The following GFOD2 variants were observed in gnomAD, a reference collection of about 807,000 sequenced individuals.
GFOD2 encodes glucose-fructose oxidoreductase domain-containing protein 2.
Under a neutral mutation model 24.6 loss-of-function variants are expected in GFOD2, and 9 were observed. The ratio of observed to expected loss-of-function variants is 0.37; its 90% CI spans 0.22 to 0.64. GFOD2 has a LOEUF of 0.64. GFOD2 is among the 30% of genes least tolerant of loss of function. The probability of loss-of-function intolerance (pLI) is 0.65; values close to 1 mark genes in which losing one functional copy is unlikely to be tolerated. For missense variants in GFOD2, 476 were observed against 532.5 expected, an observed-to-expected ratio of 0.89 and a Z score of 1.04; for synonymous variants, 211 against 224.8, an observed-to-expected ratio of 0.94 and a Z score of 0.55.
At chr16:67,685,322 A>G (rs2053257570) in intron 2 of GFOD2, 135 bp downstream of exon 2, 6 of 1,491,340 alleles carry the variant, frequency 4.0e-6, no homozygotes, top group Non-Finnish European at 5.4e-6. Flanking sequence ...TGCTTCAGGG[A>G]CAAGTGATGT....
intron 1 of GFOD2, among the ~76,000 whole-genome samples, chr16:67,700,799 G>A (rs1377123086): frequency 2.0e-5 from 3 of 151,224 alleles, no homozygotes; most frequent in African/African-American, 7.3e-5. Context: ...TTGGGAGGCC[G>A]AGGCGGGCGG....
intron 1 of GFOD2, among the ~76,000 whole-genome samples, chr16:67,711,436 C>G (rs575842780): frequency 1.3e-5 from 2 of 152,304 alleles, no homozygotes; most frequent in East Asian, 3.9e-4. Context: ...CTGATGGTGA[C>G]TGTAGTAACC....
intron 1 of GFOD2, among the ~76,000 whole-genome samples, chr16:67,710,595 C>T (rs1597805078): frequency 6.6e-6 from 1 of 152,030 alleles, no homozygotes; most frequent in South Asian, 2.1e-4. Context: ...ATCTCCTGAC[C>T]TCGTGATCCA....
intron 1 of GFOD2, among the ~76,000 whole-genome samples, chr16:67,710,620 C>T (rs1190003479): frequency 6.6e-6 from 1 of 152,154 alleles, no homozygotes; most frequent in Non-Finnish European, 1.5e-5. Context: ...CCTCAGCCTC[C>T]CAAAGTGCTG....
chr16:67,681,333 G>A, intron 2 of GFOD2: 1 of 985,416 alleles, frequency 1.0e-6, no homozygotes, highest in Non-Finnish European at 1.2e-6. Flanking sequence ...GGAGTTTGGT[G>A]GTGATAAAAC....
chr16:67,717,999 T>C (rs2053518763), intron 1 of GFOD2, among the ~76,000 whole-genome samples: 1 of 152,212 alleles, frequency 6.6e-6, no homozygotes. Context: ...AGCAGTTAAT[T>C]TTTTCACGTT....
At chr16:67,687,640 C>CAAAAAAAAAA (rs11302803) in intron 1 of GFOD2, among the ~76,000 whole-genome samples, 1 of 49,144 alleles carries the variant, frequency 2.0e-5, no homozygotes, top group African/African-American at 6.1e-5. Flanking sequence ...GACTCCGTCT[C>CAAAAAAAAAA]AAAAAAAAAA....
At chr16:67,679,987 C>G (rs1567653639) in intron 2 of GFOD2, among the ~76,000 whole-genome samples, 1 of 152,098 alleles carries the variant, frequency 6.6e-6, no homozygotes, top group East Asian at 1.9e-4. Context: ...CAGTCTTGGT[C>G]TGAGCTCAAA....
intron 1 of GFOD2, among the ~76,000 whole-genome samples, chr16:67,693,608 A>G (rs1454577434): frequency 1.3e-5 from 2 of 152,158 alleles, no homozygotes; most frequent in Non-Finnish European, 2.9e-5. Context: ...TGTACATTAC[A>G]GAATGTACCA....
chr16:67,714,058 CAG>C (rs1316630559), intron 1 of GFOD2, among the ~76,000 whole-genome samples: 1 of 152,078 alleles, frequency 6.6e-6, no homozygotes, highest in African/African-American at 2.4e-5. Flanking sequence ...TGCCAGGAAA[CAG>C]AGACAGAAGA....
chr16:67,701,574 C>T (rs1035747705), intron 1 of GFOD2, among the ~76,000 whole-genome samples: 1 of 152,126 alleles, frequency 6.6e-6, no homozygotes. Context: ...AAGAGTAGAT[C>T]AGTGGTTGTC....
chr16:67,687,102 T>A (rs900121036), intron 1 of GFOD2, among the ~76,000 whole-genome samples: 1 of 144,646 alleles, frequency 6.9e-6, no homozygotes, highest in Non-Finnish European at 1.5e-5. Context: ...GATCTGAGAT[T>A]GTGCCACTGC....
rs377532450 is a variant in GFOD2 at position 67,685,516 on chromosome 16, T to C, written c.200A>G (p.Asp67Gly). The C allele has an allele frequency of 2.5e-6, 4 of 1,614,134 alleles. No homozygotes were observed. The highest frequency in any genetic ancestry group is 3.4e-6 in the Non-Finnish European group (4 of 1,180,034). Residue 67 changes from aspartate (D) to glycine (G), a missense_variant, in exon 2 of 3, where the codon GAT becomes GGT. Asp to Gly is a moderately conservative substitution (Grantham distance 94). Coordinates refer to ENST00000268797, the MANE Select transcript of GFOD2 (RefSeq NM_030819.4). ...TDDILLHQDV[D>G]LVCISIPPPL... is the part of the protein sequence containing the mutation. ...AGGGGGGATGCTGATGCACACCAGATCCACATCTTGATGCAGCAAGATGTC... is the reference window on the plus strand; with the variant it reads ...AGGGGGGATGCTGATGCACACCAGACCCACATCTTGATGCAGCAAGATGTC...
At chr16:67,684,731 T>C in intron 2 of GFOD2, 6 of 977,596 alleles carry the variant, frequency 6.1e-6, no homozygotes, top group Non-Finnish European at 7.3e-6. Flanking sequence ...GAATGTTTAC[T>C]GGTTTGTTTA....
chr16:67,687,460 G>A (rs2142994171), intron 1 of GFOD2, among the ~76,000 whole-genome samples: 1 of 151,798 alleles, frequency 6.6e-6, no homozygotes, highest in Non-Finnish European at 1.5e-5. Context: ...CTAACACAGT[G>A]AAACCCTGTC....
intron 1 of GFOD2, among the ~76,000 whole-genome samples, chr16:67,697,051 C>T (rs2053364465): frequency 6.6e-6 from 1 of 152,212 alleles, no homozygotes; most frequent in Admixed American, 6.5e-5. Flanking sequence ...CCCAGTCCTG[C>T]CAAGACCACA....
chr16:67,715,172 C>G (rs546956524), intron 1 of GFOD2, among the ~76,000 whole-genome samples: 21 of 152,120 alleles, frequency 1.4e-4, no homozygotes, highest in Non-Finnish European at 2.8e-4. Flanking sequence ...AATTCTCCCG[C>G]CTCAGCCTCC....
chr16:67,702,930 C>T (rs778831931), intron 1 of GFOD2, among the ~76,000 whole-genome samples: 13 of 152,026 alleles, frequency 8.6e-5, no homozygotes, highest in Non-Finnish European at 7.4e-5. Flanking sequence ...AAAGAATCAC[C>T]CACCTCACTG....
chr16:67,676,270 G>GGGACCACAA (rs1447793698), intron 2 of GFOD2: 1 of 571,658 alleles, frequency 1.7e-6, no homozygotes, highest in African/African-American at 1.9e-5. Flanking sequence ...TGGGACCACA[G>GGGACCACAA]GTGTGTACCA....
Sources: gnomAD v4.1 joint callset for allele counts (sites outside exome capture counted in the v4.1 genomes callset) on GRCh38, gnomAD v4.1.1 for gene constraint, MANE v1.5 for transcripts, NCBI Gene and HGNC (gene_info 2026-07-23, HGNC 2026-07-21) for gene names.